SCYL3: variants seen among roughly 807,000 people sequenced by gnomAD.
SCYL3 encodes SCY1 like pseudokinase 3.
In SCYL3, 35 loss-of-function variants were observed where a neutral mutation model predicts 73.8. That is an observed-to-expected ratio of 0.47 (90% CI 0.36 to 0.63). SCYL3 has a LOEUF of 0.63. SCYL3 is among the 20% of genes least tolerant of loss of function. SCYL3 has a pLI of 0.00. For synonymous variants in SCYL3, 277 were observed against 295.2 expected, an observed-to-expected ratio of 0.94 and a Z score of 0.63; for missense variants, 712 against 798.9, an observed-to-expected ratio of 0.89 and a Z score of 1.31.
chr1:169,868,445 T>C (rs1027139306), intron 7 of SCYL3, among the ~76,000 whole-genome samples: 3 of 152,230 alleles, frequency 2.0e-5, no homozygotes, highest in African/African-American at 7.2e-5. Flanking sequence ...TAAATTATAT[T>C]GTGCCCTTGC....
chr1:169,850,704 G>C lies in SCYL3; in HGVS notation c.*3009C>G, dbSNP rs190788581. 5 of 175,310 alleles carry C rather than the reference G, an allele frequency of 2.9e-5. No individual in the cohort carries two copies. The highest frequency in any genetic ancestry group is 6.2e-5 in the Non-Finnish European group (5 of 81,112). The allele number at this position is 175,310 out of a possible 1,614,324, so 10.9% of individuals were successfully genotyped here. A position where few individuals can be genotyped will look rare whatever the true frequency, so the allele number is the denominator to read the frequency against. On this transcript the variant is annotated 3_prime_UTR_variant, in exon 13 of 13. Coordinates refer to ENST00000367771, the MANE Select transcript of SCYL3 (RefSeq NM_020423.7). ...CCAGCTACTCGGGAGGCTGAGGCAG[G>C]AGAATTGCTTGAACTGGGGAGGTAG... is the stretch of plus-strand genomic sequence containing the variant.
Position 169,854,322 on chromosome 1 carries a change from ACAT to A in SCYL3, c.1952_1954del (p.Asp651del), listed in dbSNP as rs746613991. On this transcript the variant is annotated inframe_deletion, in exon 12 of 13. Coordinates refer to ENST00000367771, the MANE Select transcript of SCYL3 (RefSeq NM_020423.7). ...TGAGGAAAACTGCATCACTGGGGAG[ACAT>A]CATCCTTTTTTGGGACCATTTCTGT... The A allele has an allele frequency of 1.1e-5, 18 of 1,612,700 alleles. 1 individual carries two copies. The African/African-American group carries it at 1.9e-4, about 17-fold the overall frequency.
At position 169,853,714 on chromosome 1, in the gene SCYL3, C is replaced by T. The variant is rs780870250; in HGVS notation, c.2066G>A (p.Ter689=). ...GELNWEDNNW[*] ...CTAAAGTTTAACTCACATCTATTGT[C>T]ACCAGTTATTATCTTCCCAGTTCAG... Residue 689 remains the stop codon, a stop_retained_variant, in exon 13 of 13, where the codon TGA becomes TAA. Transcript: ENST00000367771. The T allele has an allele frequency of 6.2e-7, 1 of 1,613,502 alleles. No individual in the cohort carries two copies. The highest frequency in any genetic ancestry group is 8.5e-7 in the Non-Finnish European group (1 of 1,179,730).
At chr1:169,880,083 C>T (rs1661140420) in intron 2 of SCYL3, among the ~76,000 whole-genome samples, 1 of 151,830 alleles carries the variant, frequency 6.6e-6, no homozygotes, top group South Asian at 2.1e-4. Flanking sequence ...GCCTGGGCAA[C>T]ACAGTGAAAT....
chr1:169,884,050 T>A (rs1661496828), intron 2 of SCYL3, among the ~76,000 whole-genome samples: 1 of 152,146 alleles, frequency 6.6e-6, no homozygotes, highest in Non-Finnish European at 1.5e-5. Flanking sequence ...TATAATAATC[T>A]CAAATTTTGC....
At chr1:169,857,358 T>C (rs1045995677) in intron 11 of SCYL3, among the ~76,000 whole-genome samples, 4 of 152,240 alleles carry the variant, frequency 2.6e-5, no homozygotes, top group African/African-American at 9.6e-5. Context: ...AATCTATGCA[T>C]ATCATCCCAT....
At position 169,855,818 on chromosome 1, in the gene SCYL3, G is replaced by A. The variant is rs1368466899; in HGVS notation, c.1313-854C>T. 2.5e-6 allele frequency: 4 copies of A among 1,613,570 alleles called. No homozygotes were observed. The African/African-American group carries it at 4.0e-5, about 16-fold the overall frequency. ...TACCTGTCTGTAAAAGAGTATTGTA[G>A]TAATCTCGCTGTATGTGCTTCTTGC... On this transcript the variant is annotated intron_variant, in intron 11 of 12. Transcript: ENST00000367771.
rs1657904738 is a variant in SCYL3 at position 169,850,000 on chromosome 1, A to G, written c.*3713T>C. 2.0e-6 allele frequency: 1 copy of G among 504,836 alleles called. No homozygotes were observed. The highest frequency in any genetic ancestry group is 3.5e-6 in the Non-Finnish European group (1 of 282,656). 31.3% of individuals were successfully genotyped at this position (504,836 alleles called of 1,614,324 possible). A position where few individuals can be genotyped will look rare whatever the true frequency, so the allele number is the denominator to read the frequency against. ...CCTTTACTCTTACTGCATTTGCTGT[A>G]TAGTCATGCCTATGATCATAAGGGA... On this transcript the variant is annotated 3_prime_UTR_variant, in exon 13 of 13. Coordinates refer to ENST00000367771, the MANE Select transcript of SCYL3 (RefSeq NM_020423.7).
chr1:169,892,048 T>C (rs1662123396), intron 1 of SCYL3, among the ~76,000 whole-genome samples: 1 of 152,208 alleles, frequency 6.6e-6, no homozygotes, highest in Admixed American at 6.5e-5. Flanking sequence ...TTTGAAAGCA[T>C]GTTAACTTTG....
chr1:169,851,036 C>T lies in SCYL3; in HGVS notation c.*2677G>A, dbSNP rs1571353145. On this transcript the variant is annotated 3_prime_UTR_variant, in exon 13 of 13. Coordinates refer to ENST00000367771, the MANE Select transcript of SCYL3 (RefSeq NM_020423.7). The stretch of plus-strand genomic sequence containing the variant: ...GGGCAGCCTCCCAAGCCAGGGTAAG[C>T]TCAGGGCCCTTTTTTTTTTTTTTTT... 1 of 24,356 alleles carries T rather than the reference C, an allele frequency of 4.1e-5. No individual in the cohort carries two copies. Among genetic ancestry groups the T allele is most frequent in the Non-Finnish European group, 8.9e-5 (1 of 11,298 alleles). 1.5% of individuals were successfully genotyped at this position (24,356 alleles called of 1,614,324 possible).
chr1:169,893,385 C>G (rs927132815), intron 1 of SCYL3, among the ~76,000 whole-genome samples: 1 of 152,090 alleles, frequency 6.6e-6, no homozygotes, highest in African/African-American at 2.4e-5. Flanking sequence ...GGACAGTGAC[C>G]CGCCCAGCCG....
chr1:169,876,115 G>T, intron 3 of SCYL3, 24 bp from the exon 4 acceptor site: 1 of 1,348,626 alleles, frequency 7.4e-7, no homozygotes. Flanking sequence ...AGAACAGAAG[G>T]AAGAGTGCCA....
intron 2 of SCYL3, among the ~76,000 whole-genome samples, chr1:169,883,191 T>C (rs941348513): frequency 1.3e-5 from 2 of 151,864 alleles, no homozygotes; most frequent in African/African-American, 4.8e-5. Context: ...ACCGCGAGGG[T>C]CCGCGGCTTC....
chr1:169,865,301 C>T (rs2102158141), intron 8 of SCYL3, among the ~76,000 whole-genome samples: 1 of 152,252 alleles, frequency 6.6e-6, no homozygotes, highest in East Asian at 1.9e-4. Context: ...TAGCAGATAT[C>T]CTTGCCTCCT....
In SCYL3 at chr1:169,851,646, G is replaced by A. The variant is rs756673313; in HGVS notation, c.*2067C>T. ...TAACTATTTTGTAAGGAAGAACACA[G>A]TAGAGTGATTTAATCCAGATTATAC... On this transcript the variant is annotated 3_prime_UTR_variant, in exon 13 of 13. Coordinates refer to ENST00000367771, the MANE Select transcript of SCYL3 (RefSeq NM_020423.7). 1 of 751,232 alleles carries A rather than the reference G, an allele frequency of 1.3e-6. No individual in the cohort carries two copies. The allele number at this position is 751,232 out of a possible 1,614,324, so 46.5% of individuals were successfully genotyped here.
chr1:169,861,744 GT>G lies in SCYL3; in HGVS notation c.1140+868del, dbSNP rs1394925418. Among the ~76,000 whole-genome samples, 3 of 152,312 alleles carry G rather than the reference GT, an allele frequency of 2.0e-5. No individual in the cohort carries two copies. The East Asian group carries it at 5.8e-4, about 29-fold the overall frequency. On this transcript the variant is annotated intron_variant, in intron 10 of 12. Coordinates refer to ENST00000367771, the MANE Select transcript of SCYL3 (RefSeq NM_020423.7). Reference sequence around the variant, plus strand: ...ATTATTTGAAAGACACCATGTGATTGTAGTCTTTTAAAACAATTTTTTTAAA... The same window carrying G: ...ATTATTTGAAAGACACCATGTGATTGAGTCTTTTAAAACAATTTTTTTAAA...
chr1:169,864,247 A>G (rs1216613667), intron 9 of SCYL3, 122 bp downstream of exon 9: 1 of 1,316,034 alleles, frequency 7.6e-7, no homozygotes, highest in Non-Finnish European at 1.1e-6. Flanking sequence ...GGGGCCAACA[A>G]TTGTTCTCCG....
intron 11 of SCYL3, chr1:169,855,766 G>A: frequency 6.3e-7 from 1 of 1,593,530 alleles, no homozygotes; most frequent in Non-Finnish European, 8.6e-7. Flanking sequence ...TCCAAGCAAT[G>A]GAAAAGCTAT....
chr1:169,880,068 G>A (rs1382438403), intron 2 of SCYL3, among the ~76,000 whole-genome samples: 1 of 151,900 alleles, frequency 6.6e-6, no homozygotes, highest in African/African-American at 2.4e-5. Context: ...AGGAGTTCAA[G>A]ACCAGCCTGG....
Sources: gnomAD v4.1 joint callset for allele counts (sites outside exome capture counted in the v4.1 genomes callset) on GRCh38, gnomAD v4.1.1 for gene constraint, MANE v1.5 for transcripts, NCBI Gene and HGNC (gene_info 2026-07-23, HGNC 2026-07-21) for gene names.